The following NLGN1 variants were observed in gnomAD, a reference collection of about 807,000 sequenced individuals.
NLGN1 encodes the protein neuroligin-1.
Under a neutral mutation model 65.5 loss-of-function variants are expected in NLGN1, and 12 were observed. That is an observed-to-expected ratio of 0.18 (90% CI 0.12 to 0.30). The LOEUF is 0.30. NLGN1 is among the 10% of genes least tolerant of loss of function. The pLI, the probability that NLGN1 is intolerant of heterozygous loss-of-function variation, is 1.00. For missense variants in NLGN1, 750 were observed against 1,007.1 expected (o/e 0.74, Z 3.46); for synonymous variants, 350 against 359.5 (o/e 0.97, Z 0.30).
intron 4 of NLGN1, among the ~76,000 whole-genome samples, chr3:174,122,155 T>C (rs571225419): frequency 1.8e-4 from 28 of 152,188 alleles, no homozygotes; most frequent in Non-Finnish European, 3.2e-4. Flanking sequence ...GAAAAATGAG[T>C]AAACGTATTT....
At chr3:173,437,688 G>A (rs370002610) in intron 2 of NLGN1, among the ~76,000 whole-genome samples, 147 of 151,970 alleles carry the variant, frequency 9.7e-4, no homozygotes, top group African/African-American at 3.5e-3. Flanking sequence ...GCCAAGTATC[G>A]TGCATCGTGT....
intron 4 of NLGN1, among the ~76,000 whole-genome samples, chr3:174,030,032 G>A (rs183292788): frequency 1.3e-4 from 20 of 151,398 alleles, no homozygotes; most frequent in African/African-American, 4.4e-4. Context: ...CATAGTAAAT[G>A]TTGGCTATAA....
chr3:173,818,895 C>CTTTTTTTTTTTTTTTTTTTTTTTTTTTT (rs200212547), intron 4 of NLGN1, among the ~76,000 whole-genome samples: 3 of 92,400 alleles, frequency 3.2e-5, no homozygotes, highest in African/African-American at 4.7e-5. Context: ...TTGAATAGTT[C>CTTTTTTTTTTTTTTTTTTTTTTTTTTTT]TTTTTTTTTT....
chr3:173,974,243 GT>G (rs1240731537), intron 4 of NLGN1, among the ~76,000 whole-genome samples: 5 of 151,566 alleles, frequency 3.3e-5, no homozygotes, highest in African/African-American at 1.2e-4. Context: ...AAAAAAAAAG[GT>G]TTTGTTATTC....
chr3:173,809,168 A>C (rs531231064), intron 4 of NLGN1, among the ~76,000 whole-genome samples: 5 of 152,248 alleles, frequency 3.3e-5, no homozygotes, highest in Non-Finnish European at 5.9e-5. Flanking sequence ...CATAGTGTCT[A>C]ATCATCCATT....
intron 4 of NLGN1, among the ~76,000 whole-genome samples, chr3:174,019,618 TAGAG>T (rs1279797275): frequency 6.6e-6 from 1 of 152,128 alleles, no homozygotes; most frequent in Non-Finnish European, 1.5e-5. Context: ...TAGAGACAGG[TAGAG>T]AGAAAGACAC....
At chr3:174,000,112 CTGAG>C (rs1175054996) in intron 4 of NLGN1, among the ~76,000 whole-genome samples, 1 of 152,060 alleles carries the variant, frequency 6.6e-6, no homozygotes, top group African/African-American at 2.4e-5. Flanking sequence ...TGATGCAAGA[CTGAG>C]TATTTTCGTT....
intron 2 of NLGN1, among the ~76,000 whole-genome samples, chr3:173,517,752 A>ATCTATCTATCTG (rs1199647922): frequency 9.4e-6 from 1 of 106,022 alleles, no homozygotes; most frequent in African/African-American, 3.8e-5. Flanking sequence ...TCGCAAATTT[A>ATCTATCTATCTG]TCTATCTATC....
At chr3:174,007,949 A>AGTGTGT (rs5854543) in intron 4 of NLGN1, among the ~76,000 whole-genome samples, 1 of 148,740 alleles carries the variant, frequency 6.7e-6, no homozygotes, top group Non-Finnish European at 1.5e-5. Context: ...GACCAGTCTA[A>AGTGTGT]GTGTGTGTGT....
At chr3:174,074,424 A>G (rs1740493877) in intron 4 of NLGN1, among the ~76,000 whole-genome samples, 1 of 152,218 alleles carries the variant, frequency 6.6e-6, no homozygotes, top group Non-Finnish European at 1.5e-5. Flanking sequence ...AAAAGGAATT[A>G]TTTAATTCCA....
At chr3:173,801,987 C>T (rs1715540854) in intron 3 of NLGN1, among the ~76,000 whole-genome samples, 1 of 152,062 alleles carries the variant, frequency 6.6e-6, no homozygotes, top group South Asian at 2.1e-4. Context: ...CCTTGAAAAT[C>T]CTTAACTCCT....
chr3:174,228,417 TC>T (rs1740107215), intron 4 of NLGN1, among the ~76,000 whole-genome samples: 2 of 152,264 alleles, frequency 1.3e-5, no homozygotes, highest in South Asian at 4.1e-4. Context: ...AAATCATTTT[TC>T]TTCATCCCCA....
At chr3:173,806,948 A>C (rs2150443542) in intron 3 of NLGN1, among the ~76,000 whole-genome samples, 1 of 152,262 alleles carries the variant, frequency 6.6e-6, no homozygotes, top group Non-Finnish European at 1.5e-5. Flanking sequence ...TTAGCCACAC[A>C]AAGAAAGTGA....
chr3:173,536,542 C>T (rs1462698068), intron 2 of NLGN1, among the ~76,000 whole-genome samples: 1 of 152,222 alleles, frequency 6.6e-6, no homozygotes, highest in African/African-American at 2.4e-5. Flanking sequence ...AACATGCCAA[C>T]ATGGCCTCTA....
chr3:173,977,970 G>A (rs1001271759), intron 4 of NLGN1, among the ~76,000 whole-genome samples: 1 of 151,998 alleles, frequency 6.6e-6, no homozygotes, highest in Non-Finnish European at 1.5e-5. Flanking sequence ...AGGGTAATGA[G>A]AATGGCAATA....
intron 4 of NLGN1, among the ~76,000 whole-genome samples, chr3:173,973,568 C>A (rs1238731200): frequency 6.6e-6 from 1 of 151,426 alleles, no homozygotes; most frequent in Non-Finnish European, 1.5e-5. Context: ...TTTGGAAACA[C>A]TTTAAATGTT....
intron 4 of NLGN1, among the ~76,000 whole-genome samples, chr3:173,961,692 G>A (rs1239077362): frequency 6.6e-6 from 1 of 152,030 alleles, no homozygotes; most frequent in Non-Finnish European, 1.5e-5. Context: ...GTGGATGGGT[G>A]CCCTTATGCA....
In NLGN1 at chr3:174,045,912, A is replaced by G. The variant is rs76154485; in HGVS notation, c.647-229403A>G. Among the ~76,000 whole-genome samples the G allele has an allele frequency of 6.0e-3, 919 of 152,310 alleles. 5 individuals are homozygous for G. The highest frequency in any genetic ancestry group is 0.051 in the Middle Eastern group (15 of 294). On this transcript the variant is annotated intron_variant, in intron 4 of 6. Transcript: ENST00000457714. ...TCAGTCCTCTGAAGTAATTTCTATA[A>G]TAAGAATTCCAATCTGAGATCAGAT...
intron 4 of NLGN1, among the ~76,000 whole-genome samples, chr3:174,049,228 G>A (rs976215932): frequency 6.6e-6 from 1 of 152,048 alleles, no homozygotes; most frequent in African/African-American, 2.4e-5. Context: ...TATGTGTAAC[G>A]CAGTAGCTAT....
Sources: allele counts gnomAD v4.1 joint callset (sites outside exome capture counted in the v4.1 genomes callset), GRCh38; gene constraint gnomAD v4.1.1; transcripts MANE v1.5; gene names NCBI Gene and HGNC (gene_info 2026-07-23, HGNC 2026-07-21).